The following ORC2 variants were observed in gnomAD, a reference collection of about 807,000 sequenced individuals.
ORC2 encodes the protein origin recognition complex subunit 2.
Under a neutral mutation model 77.7 loss-of-function variants are expected in ORC2, and 37 were observed. The observed-to-expected ratio is 0.48, with a 90% CI of 0.37 to 0.63. The LOEUF (loss-of-function observed/expected upper bound fraction) is 0.63, where lower values mean the gene tolerates loss of function less well. Among genes scored for constraint, ORC2 ranks in the 20% least tolerant of loss-of-function variants. The pLI, the probability that ORC2 is intolerant of heterozygous loss-of-function variation, is 0.00. For synonymous variants in ORC2, 201 were observed against 229.5 expected, an observed-to-expected ratio of 0.88 and a Z score of 1.12; for missense variants, 557 against 661.9, an observed-to-expected ratio of 0.84 and a Z score of 1.74.
chr2:200,927,701 T>C (rs1306955243), intron 11 of ORC2, among the ~76,000 whole-genome samples: 2 of 150,580 alleles, frequency 1.3e-5, no homozygotes, highest in Non-Finnish European at 3.0e-5. Context: ...AAAAAAAAAT[T>C]AACTAATTAA....
At position 200,949,616 on chromosome 2, in the gene ORC2, C is replaced by T. The variant is rs776499843; in HGVS notation, c.266G>A (p.Gly89Asp). The T allele has an allele frequency of 3.1e-6, 5 of 1,599,934 alleles. No homozygotes were observed. The highest frequency in any genetic ancestry group is 1.7e-5 in the Admixed American group (1 of 59,416). The change falls in exon 5 of 18, where the codon GGT becomes GAT. Residue 89 changes from glycine to aspartate, a missense_variant. Transcript: ENST00000234296. Reference protein sequence around the residue: ...QESLKNGSATGGGNKVYSFQN... With the variant: ...QESLKNGSATDGGNKVYSFQN... ...AAAAGAATAAACTTTATTTCCACCA[C>T]CTGTAGCAGAGCCATTTTTCAATGA... is the stretch of plus-strand genomic sequence containing the variant.
At chr2:200,955,316 C>G (rs2041448254) in intron 4 of ORC2, among the ~76,000 whole-genome samples, 1 of 152,148 alleles carries the variant, frequency 6.6e-6, no homozygotes, top group South Asian at 2.1e-4. Context: ...ATAGGAGACC[C>G]TACCCAGCCC....
chr2:200,959,022 C>T (rs1471715032), intron 2 of ORC2, among the ~76,000 whole-genome samples: 2 of 152,076 alleles, frequency 1.3e-5, no homozygotes, highest in Admixed American at 1.3e-4. Flanking sequence ...TCTCTCTTTT[C>T]TTTCTTTTTT....
rs1330001155 is a variant in ORC2 at position 200,933,964 on chromosome 2, A to G, written c.719T>C (p.Val240Ala). The G allele has an allele frequency of 1.1e-5, 17 of 1,596,240 alleles. No homozygotes were observed. The highest frequency in any genetic ancestry group is 1.5e-5 in the Non-Finnish European group (17 of 1,165,934). The change falls in exon 10 of 18, where the codon GTA (valine) becomes GCA (alanine). Residue 240 changes from valine (V) to alanine (A), a missense_variant. Val to Ala is a moderately conservative substitution (Grantham distance 64). Coordinates refer to ENST00000234296, the MANE Select transcript of ORC2 (RefSeq NM_006190.5). ...RMKRDKTSDLVEEYFEAHSSS... is the reference protein window; with the variant it reads ...RMKRDKTSDLAEEYFEAHSSS... Reference sequence around the variant, plus strand: ...GCTGTGAGCTTCAAAATATTCTTCTACTAAGTCACTCTGAAAGTGAACAGA... The same window carrying G: ...GCTGTGAGCTTCAAAATATTCTTCTGCTAAGTCACTCTGAAAGTGAACAGA...
chr2:200,925,199 C>T (rs2040822188), intron 13 of ORC2, among the ~76,000 whole-genome samples: 3 of 152,162 alleles, frequency 2.0e-5, no homozygotes, highest in East Asian at 1.9e-4. Context: ...TGGTGGTGCA[C>T]GCCTGTAATC....
At chr2:200,954,765 T>TG (rs747612571) in intron 4 of ORC2, among the ~76,000 whole-genome samples, 4 of 151,600 alleles carry the variant, frequency 2.6e-5, no homozygotes, top group Non-Finnish European at 4.4e-5. Flanking sequence ...ATTTTTAGGG[T>TG]GGGAAAAAGT....
chr2:200,925,652 T>C (rs910166204), intron 13 of ORC2, among the ~76,000 whole-genome samples, 184 bp downstream of exon 13: 19 of 152,114 alleles, frequency 1.2e-4, no homozygotes, highest in African/African-American at 3.6e-4. Context: ...AGTGGGAGAA[T>C]TGCTTGAGCC....
At chr2:200,944,933 A>G (rs116178021) in intron 5 of ORC2, among the ~76,000 whole-genome samples, 108 of 152,328 alleles carry the variant, frequency 7.1e-4, no homozygotes, top group African/African-American at 2.5e-3. Flanking sequence ...TCAGCAAGCT[A>G]TAAGTCTATG....
chr2:200,953,104 C>A (rs1323741846), intron 4 of ORC2, among the ~76,000 whole-genome samples: 2 of 144,882 alleles, frequency 1.4e-5, no homozygotes, highest in African/African-American at 2.6e-5. Flanking sequence ...CAGAGTGAGA[C>A]CCTGTCTCAA....
At chr2:200,960,996 C>T (rs1017311956) in intron 1 of ORC2, among the ~76,000 whole-genome samples, 2 of 151,578 alleles carry the variant, frequency 1.3e-5, no homozygotes, top group Admixed American at 6.6e-5. Flanking sequence ...AGGATGGTGT[C>T]GATCTCTTGA....
intron 5 of ORC2, among the ~76,000 whole-genome samples, chr2:200,944,157 A>T (rs1268189683): frequency 6.6e-6 from 1 of 152,194 alleles, no homozygotes; most frequent in African/African-American, 2.4e-5. Flanking sequence ...GGAAGAATTG[A>T]AGAGGATTAA....
intron 5 of ORC2, 135 bp from the exon 6 acceptor site, chr2:200,942,912 G>A (rs1050847694): frequency 4.2e-6 from 2 of 474,400 alleles, no homozygotes; most frequent in Non-Finnish European, 7.4e-6. Flanking sequence ...ACCCATATTA[G>A]GAGTAATACT....
Position 200,911,151 on chromosome 2 carries a change from T to C in ORC2, c.*150A>G. ...GTACCAGCCAGGCTGATCAAAAAGT[T>C]CTAATTGAGGACATCCCCCCCTTCC... On this transcript the variant is annotated 3_prime_UTR_variant, in exon 18 of 18. Transcript: ENST00000234296. 1 of 603,634 alleles carries C rather than the reference T, an allele frequency of 1.7e-6. No homozygotes were observed. The highest frequency in any genetic ancestry group is 1.9e-5 in the South Asian group (1 of 51,370). 37.4% of individuals were successfully genotyped at this position (603,634 alleles called of 1,614,324 possible).
At chr2:200,930,717 T>A (rs1461559827) in intron 11 of ORC2, among the ~76,000 whole-genome samples, 5 of 152,142 alleles carry the variant, frequency 3.3e-5, no homozygotes, top group Admixed American at 3.3e-4. Context: ...TATGTTCAAG[T>A]CTTTTTAACT....
At chr2:200,938,935 A>G (rs2041098584) in intron 7 of ORC2, among the ~76,000 whole-genome samples, 1 of 151,654 alleles carries the variant, frequency 6.6e-6, no homozygotes, top group South Asian at 2.1e-4. Flanking sequence ...GCTACTCGAG[A>G]GGTTGAGGCA....
chr2:200,942,626 A>G, intron 6 of ORC2, 59 bp downstream of exon 6: 2 of 807,600 alleles, frequency 2.5e-6, no homozygotes, highest in Non-Finnish European at 3.9e-6. Context: ...AAAAAGTAAC[A>G]TGCTCTATCT....
At position 200,935,749 on chromosome 2, in the gene ORC2, C is replaced by G; in HGVS notation, c.658G>C (p.Ala220Pro). Residue 220 changes from alanine (A) to proline (P), a missense_variant, in exon 9 of 18, where the codon GCT becomes CCT. Physicochemically the swap from Ala to Pro is conservative, Grantham distance 27. Coordinates refer to ENST00000234296, the MANE Select transcript of ORC2 (RefSeq NM_006190.5). ...KIQAQNRVVS[A>P]PVGKETPSKR... ...GAAGGTGTTTCTTTGCCAACAGGAG[C>G]TGAAACTACTCTATTCTGAGCTTGA... is the stretch of plus-strand genomic sequence containing the variant. The G allele has an allele frequency of 1.9e-6, 3 of 1,613,622 alleles. No individual in the cohort carries two copies. Among genetic ancestry groups the G allele is most frequent in the Non-Finnish European group, 2.5e-6 (3 of 1,179,838 alleles).
intron 17 of ORC2, 127 bp from the exon 18 acceptor site, chr2:200,911,514 A>C: frequency 1.8e-6 from 1 of 566,496 alleles, no homozygotes; most frequent in Non-Finnish European, 3.1e-6. Flanking sequence ...AAGTATAAAA[A>C]GGCAAAAGGG....
intron 11 of ORC2, among the ~76,000 whole-genome samples, chr2:200,927,157 C>T (rs1403664559): frequency 6.6e-6 from 1 of 151,802 alleles, no homozygotes; most frequent in African/African-American, 2.4e-5. Context: ...ACTCTTGGCT[C>T]ACTGCAACCT....
Sources: gnomAD v4.1 joint callset for allele counts (sites outside exome capture counted in the v4.1 genomes callset) on GRCh38, gnomAD v4.1.1 for gene constraint, MANE v1.5 for transcripts, NCBI Gene and HGNC (gene_info 2026-07-23, HGNC 2026-07-21) for gene names.